PARG: variants seen among roughly 807,000 people sequenced by gnomAD.
The protein encoded by PARG is poly(ADP-ribose) glycohydrolase.
In PARG, 35 loss-of-function variants were observed where a neutral mutation model predicts 113.0. The observed-to-expected ratio is 0.31, with a 90% confidence interval of 0.24 to 0.41. The LOEUF is 0.41. Among genes scored for constraint, PARG ranks in the 10% least tolerant of loss-of-function variants. The probability of loss-of-function intolerance (pLI) is 1.00; values close to 1 mark genes in which losing one functional copy is unlikely to be tolerated. For missense variants in PARG, 797 were observed against 1,169.4 expected, an observed-to-expected ratio of 0.68 and a Z score of 4.64; for synonymous variants, 330 against 409.9, an observed-to-expected ratio of 0.81 and a Z score of 2.36.
intron 9 of PARG, among the ~76,000 whole-genome samples, chr10:49,877,997 G>A (rs1290801116): frequency 2.6e-5 from 4 of 152,016 alleles, no homozygotes; most frequent in Non-Finnish European, 5.9e-5. Flanking sequence ...ACTTTACAGT[G>A]GAAAAAGTCA....
intron 13 of PARG, among the ~76,000 whole-genome samples, chr10:49,845,350 G>A (rs1197407601): frequency 6.6e-6 from 1 of 152,146 alleles, no homozygotes; most frequent in Non-Finnish European, 1.5e-5. Context: ...CAATAGATTT[G>A]TATCAGTCAT....
chr10:49,908,375 A>G (rs1283926763), intron 7 of PARG: 1 of 152,208 alleles, frequency 6.6e-6, no homozygotes, highest in Non-Finnish European at 1.5e-5. Context: ...ATCTGTTTCA[A>G]TATTTTAGTG....
chr10:49,890,745 C>A (rs1847733915), intron 7 of PARG, among the ~76,000 whole-genome samples: 1 of 152,150 alleles, frequency 6.6e-6, no homozygotes, highest in African/African-American at 2.4e-5. Flanking sequence ...TATCTACAAA[C>A]ATCCAAATAG....
chr10:49,840,020 G>T (rs999644602), intron 15 of PARG, among the ~76,000 whole-genome samples: 1 of 152,146 alleles, frequency 6.6e-6, no homozygotes, highest in African/African-American at 2.4e-5. Context: ...TGGTACTGGG[G>T]ACAATTGCTT....
intron 4 of PARG, among the ~76,000 whole-genome samples, chr10:49,926,828 TAAA>T (rs1174931175): frequency 2.6e-5 from 4 of 152,210 alleles, no homozygotes; most frequent in Admixed American, 6.5e-5. Context: ...TCTCTGCCTT[TAAA>T]AAATCTTGCT....
At chr10:49,919,907 G>C (rs1262076510) in intron 6 of PARG, among the ~76,000 whole-genome samples, 1 of 152,100 alleles carries the variant, frequency 6.6e-6, no homozygotes, top group African/African-American at 2.4e-5. Context: ...AACTGTTCAT[G>C]ATTAGTAGGA....
intron 7 of PARG, among the ~76,000 whole-genome samples, chr10:49,909,449 CA>C (rs1419261138): frequency 7.2e-5 from 11 of 152,116 alleles, no homozygotes; most frequent in African/African-American, 2.4e-4. Flanking sequence ...ATCACAAGTT[CA>C]AAAACTGTTA....
intron 4 of PARG, among the ~76,000 whole-genome samples, chr10:49,924,842 G>C (rs2812982): frequency 1.3e-5 from 2 of 152,292 alleles, no homozygotes; most frequent in South Asian, 2.1e-4. Context: ...GCTAAACTGT[G>C]TCTTGTGGGT....
chr10:49,819,431 C>G lies in PARG; in HGVS notation c.2840G>C (p.Gly947Ala), dbSNP rs772576152. The change falls in exon 18 of 18, where the codon GGA (glycine) becomes GCA (alanine). Residue 947 changes from glycine (G) to alanine (A), a missense_variant. Gly to Ala is a moderately conservative substitution (Grantham distance 60). Coordinates refer to ENST00000616448, the MANE Select transcript of PARG (RefSeq NM_003631.5). ...GAATGGATAAAGCTTGATGTCTGGT[C>G]CAGGGGTGGAACAGTTTCTGCATTC... is the stretch of plus-strand genomic sequence containing the variant. Reference protein sequence around the residue: ...NEECRNCSTPGPDIKLYPFIY... With the variant: ...NEECRNCSTPAPDIKLYPFIY... 12 of 1,551,002 alleles carry G rather than the reference C, an allele frequency of 7.7e-6. No homozygotes were observed. In the South Asian group the frequency reaches 1.4e-4, roughly 18 times the overall value.
chr10:49,823,515 G>C (rs1554829025), intron 16 of PARG, among the ~76,000 whole-genome samples: 1 of 152,138 alleles, frequency 6.6e-6, no homozygotes, highest in Non-Finnish European at 1.5e-5. Flanking sequence ...TCAGAGTATT[G>C]AAAGTAATTA....
chr10:49,838,356 G>A (rs782426049), intron 15 of PARG, among the ~76,000 whole-genome samples: 13 of 149,736 alleles, frequency 8.7e-5, no homozygotes, highest in Admixed American at 2.0e-4. Flanking sequence ...GCTTGAACCC[G>A]GGAGGTGGAG....
intron 6 of PARG, among the ~76,000 whole-genome samples, chr10:49,921,353 GTT>G (rs1275523749): frequency 6.6e-6 from 1 of 151,532 alleles, no homozygotes; most frequent in East Asian, 1.9e-4. Context: ...ATTTTGTTTT[GTT>G]TTTTTGTAAC....
At position 49,933,782 on chromosome 10, in the gene PARG, A is replaced by G; in HGVS notation, c.666T>C (p.Thr222=). 6.2e-7 allele frequency: 1 copy of G among 1,613,526 alleles called. No individual in the cohort carries two copies. Among genetic ancestry groups the G allele is most frequent in the South Asian group, 1.1e-5 (1 of 91,076 alleles). Residue 222 remains threonine (T), a synonymous_variant, in exon 3 of 18, where the codon ACT becomes ACC. Coordinates refer to ENST00000616448, the MANE Select transcript of PARG (RefSeq NM_003631.5). ...TTVKLANAKQ[T]TEDEQAREAK... ...CTTCTCTGGCCTGTTCATCTTCTGT[A>G]GTCTGCTTTGCATTTGCAAGCTTTA...
intron 7 of PARG, among the ~76,000 whole-genome samples, chr10:49,907,764 C>CAAACA (rs536057082): frequency 6.6e-6 from 1 of 152,000 alleles, no homozygotes. Context: ...TAATAAAATA[C>CAAACA]AAACAAAACA....
chr10:49,833,961 A>C (rs1159635297), intron 15 of PARG, among the ~76,000 whole-genome samples: 1 of 152,220 alleles, frequency 6.6e-6, no homozygotes, highest in Non-Finnish European at 1.5e-5. Flanking sequence ...AGTTTCCACA[A>C]AGGTATAAAA....
intron 1 of PARG, 101 bp downstream of exon 1, chr10:49,941,408 C>G (rs1166785121): frequency 6.4e-5 from 62 of 962,382 alleles, no homozygotes; most frequent in Non-Finnish European, 9.7e-5. Context: ...TGACGATGCA[C>G]ACAAGACCAG....
rs551664940 is a variant in PARG, at chr10:49,827,142, T to C, written c.2647+5661A>G. Among the ~76,000 whole-genome samples the C allele has an allele frequency of 8.3e-4, 126 of 152,348 alleles. 2 individuals are homozygous for C. The Middle Eastern group carries it at 0.044, about 53-fold the overall frequency. On this transcript the variant is annotated intron_variant, in intron 16 of 17. Transcript: ENST00000616448. ...GGGAAGGAGGGTCTTTCTGGAGTAG[T>C]TACCACTGGAGTAGAATCTTACAAG... is the stretch of plus-strand genomic sequence containing the variant.
intron 8 of PARG, among the ~76,000 whole-genome samples, chr10:49,881,006 G>A (rs188818202): frequency 2.6e-5 from 4 of 152,276 alleles, no homozygotes; most frequent in African/African-American, 4.8e-5. Flanking sequence ...AAGAAAGGGC[G>A]TGGTACCTTT....
intron 7 of PARG, among the ~76,000 whole-genome samples, chr10:49,902,091 T>C (rs1411629530): frequency 1.1e-4 from 17 of 152,232 alleles, no homozygotes; most frequent in South Asian, 2.1e-4. Context: ...TCCACAGATG[T>C]AGTCTTTCTT....
Sources: gnomAD v4.1 joint callset for allele counts (sites outside exome capture counted in the v4.1 genomes callset) on GRCh38, gnomAD v4.1.1 for gene constraint, MANE v1.5 for transcripts, NCBI Gene and HGNC (gene_info 2026-07-23, HGNC 2026-07-21) for gene names.